PTPRN2: variants seen among roughly 807,000 people sequenced by gnomAD.
PTPRN2 encodes the protein protein tyrosine phosphatase receptor type N2, also known as receptor-type tyrosine-protein phosphatase N2.
In PTPRN2, 74 loss-of-function variants were observed where a neutral mutation model predicts 118.8. The ratio of observed to expected loss-of-function variants is 0.62; its 90% CI spans 0.52 to 0.76. The LOEUF (loss-of-function observed/expected upper bound fraction) is 0.76. Among genes scored for constraint, PTPRN2 ranks in the 30% least tolerant of loss-of-function variants. PTPRN2 has a pLI of 0.00. For missense variants in PTPRN2, 1,481 were observed against 1,394.4 expected (o/e 1.06, Z -0.99); for synonymous variants, 641 against 608.0 (o/e 1.05, Z -0.80).
At chr7:158,487,897 C>T (rs10265417) in intron 2 of PTPRN2, among the ~76,000 whole-genome samples, 70,773 of 151,942 alleles carry the variant, frequency 0.47, 16,830 homozygotes, top group East Asian at 0.68. Context: ...TCTGTTTCTA[C>T]AAATCAAGGC....
intron 11 of PTPRN2, among the ~76,000 whole-genome samples, chr7:157,945,392 C>A (rs1800413616): frequency 6.6e-6 from 1 of 152,144 alleles, no homozygotes. Flanking sequence ...CCTCTGAAGG[C>A]CCTTCCATCC....
chr7:158,147,752 A>C (rs1388560906), intron 6 of PTPRN2, among the ~76,000 whole-genome samples: 18 of 103,660 alleles, frequency 1.7e-4, no homozygotes, highest in African/African-American at 4.3e-4. Context: ...TTCCCCCTCA[A>C]TGACACCCCA....
rs201694935 is a variant in PTPRN2 at position 158,205,250 on chromosome 7, T to G, written c.301A>C (p.Thr101Pro). The change falls in exon 4 of 23, where the codon ACT becomes CCT. Residue 101 changes from threonine to proline, a missense_variant. Transcript: ENST00000389418. ...AGTTCCTGGTCCATCACATACTGAG[T>G]ATAGTCATCCTGCCACGTGAAACCT... The part of the protein sequence containing the change: ...GTGFTWQDDY[T>P]QYVMDQELAD... 1.2e-6 allele frequency: 2 copies of G among 1,614,016 alleles called. No individual in the cohort carries two copies. The highest frequency in any genetic ancestry group is 2.2e-5 in the East Asian group (1 of 44,878).
At chr7:158,146,526 CCTGA>C (rs1302781534) in intron 6 of PTPRN2, among the ~76,000 whole-genome samples, 1 of 151,942 alleles carries the variant, frequency 6.6e-6, no homozygotes, top group Non-Finnish European at 1.5e-5. Flanking sequence ...TCAAGACCAT[CCTGA>C]CTAACATGGT....
intron 12 of PTPRN2, among the ~76,000 whole-genome samples, chr7:157,713,370 TCTC>T (rs1293889534): frequency 6.6e-6 from 1 of 152,156 alleles, no homozygotes; most frequent in Non-Finnish European, 1.5e-5. Context: ...TAATCTATTT[TCTC>T]CTCATTAAGT....
chr7:157,723,217 T>C (rs1007500346), intron 12 of PTPRN2, among the ~76,000 whole-genome samples: 1 of 152,186 alleles, frequency 6.6e-6, no homozygotes, highest in Non-Finnish European at 1.5e-5. Flanking sequence ...CCTGACGGAC[T>C]GTCCCCTTGC....
At chr7:158,502,357 G>A (rs572828413) in intron 1 of PTPRN2, among the ~76,000 whole-genome samples, 110 of 152,350 alleles carry the variant, frequency 7.2e-4, no homozygotes, top group Middle Eastern at 3.4e-3. Context: ...TTTATTAGAA[G>A]GAGATCAGGT....
chr7:157,679,214 TATATC>T (rs1796805870), intron 13 of PTPRN2, among the ~76,000 whole-genome samples: 1 of 152,302 alleles, frequency 6.6e-6, no homozygotes, highest in African/African-American at 2.4e-5. Flanking sequence ...TTAATCCAAA[TATATC>T]ATGTTTTATC....
At chr7:158,261,289 A>G (rs1041571515) in intron 3 of PTPRN2, among the ~76,000 whole-genome samples, 2 of 152,110 alleles carry the variant, frequency 1.3e-5, no homozygotes, top group East Asian at 3.9e-4. Flanking sequence ...TGGGAGCACC[A>G]GGCCACATGG....
intron 10 of PTPRN2, among the ~76,000 whole-genome samples, chr7:158,082,569 G>A (rs1812922241): frequency 6.6e-6 from 1 of 152,208 alleles, no homozygotes. Flanking sequence ...CCATGTGGAC[G>A]TCTTAGCATC....
At position 157,893,213 on chromosome 7, in the gene PTPRN2, G is replaced by A. The variant is rs184489001; in HGVS notation, c.1788+5460C>T. On this transcript the variant is annotated intron_variant, in intron 12 of 22. Transcript: ENST00000389418. This position sits in a 1 kb window ranked among gnomAD's most constrained non-coding sequence, Gnocchi z 4.0. ...GGGTGAAATAAACACTCTAGCGTTT[G>A]GTAATTTTCTGTCCCAGGGATGACG... 2.0e-5 allele frequency among the ~76,000 whole-genome samples: 3 copies of A among 152,304 alleles called. No homozygotes were observed. Among genetic ancestry groups the A allele is most frequent in the East Asian group, 3.9e-4 (2 of 5,172 alleles).
chr7:157,751,798 T>C (rs1262050186), intron 12 of PTPRN2, among the ~76,000 whole-genome samples: 2 of 146,458 alleles, frequency 1.4e-5, no homozygotes, highest in Non-Finnish European at 3.0e-5. Flanking sequence ...GGACCATTCC[T>C]ACGGGATGAG....
chr7:158,131,422 A>AACACAC lies in PTPRN2; in HGVS notation c.1556+2249_1556+2254dup, dbSNP rs55822226. ...TATACAAACCAATACACATCTACCC[A>AACACAC]ACACACACACGAACATACAAACTGA... is the stretch of plus-strand genomic sequence containing the variant. On this transcript the variant is annotated intron_variant, in intron 9 of 22. Coordinates refer to ENST00000389418, the MANE Select transcript of PTPRN2 (RefSeq NM_002847.5). Among the ~76,000 whole-genome samples the AACACAC allele has an allele frequency of 3.9e-3, 572 of 145,754 alleles. 18 individuals carry two copies. In the East Asian group the frequency reaches 0.077, roughly 20 times the overall value.
chr7:157,945,610 C>A (rs1800429582), intron 11 of PTPRN2, among the ~76,000 whole-genome samples: 1 of 152,192 alleles, frequency 6.6e-6, no homozygotes, highest in East Asian at 1.9e-4. Context: ...CCACCTCAGA[C>A]AATGGCGCCT....
At chr7:158,576,639 C>G (rs1828335622) in intron 1 of PTPRN2, among the ~76,000 whole-genome samples, 1 of 152,236 alleles carries the variant, frequency 6.6e-6, no homozygotes, top group Non-Finnish European at 1.5e-5. Flanking sequence ...CCATGGCTGA[C>G]AGCCAGTGGT....
Position 157,576,594 on chromosome 7 carries a change from G to C in PTPRN2, c.2783+19C>G. On this transcript the variant is annotated intron_variant, in intron 19 of 22. Transcript: ENST00000389418. Reference sequence around the variant, plus strand: ...CGCGCTCAGCGCGCACTGCCCTGCCGGCGGGCCGCGCGTCATACCTGCGGA... The same window carrying C: ...CGCGCTCAGCGCGCACTGCCCTGCCCGCGGGCCGCGCGTCATACCTGCGGA... 3 of 1,596,070 alleles carry C rather than the reference G, an allele frequency of 1.9e-6. No homozygotes were observed. Among genetic ancestry groups the C allele is most frequent in the Non-Finnish European group, 2.6e-6 (3 of 1,169,056 alleles).
In PTPRN2 at chr7:158,032,139, C is replaced by T. The variant is rs144982001; in HGVS notation, c.1723+49159G>A. Among the ~76,000 whole-genome samples the T allele has an allele frequency of 9.2e-5, 14 of 152,354 alleles. 1 individual carries two copies. The highest frequency in any genetic ancestry group is 4.1e-4 in the South Asian group (2 of 4,826). ...CTTCCCTTTCGGAAACCTGCCCCCA[C>T]GCCTGGCCCTGGCTAAGCAAAAAGC... is the stretch of plus-strand genomic sequence containing the variant. On this transcript the variant is annotated intron_variant, in intron 11 of 22. Coordinates refer to ENST00000389418, the MANE Select transcript of PTPRN2 (RefSeq NM_002847.5).
chr7:157,750,649 G>A (rs1801406168), intron 12 of PTPRN2, among the ~76,000 whole-genome samples: 1 of 152,246 alleles, frequency 6.6e-6, no homozygotes, highest in African/African-American at 2.4e-5. Flanking sequence ...TTGGAAATAG[G>A]TTTTGGCAAA....
At chr7:157,604,177 C>T in intron 15 of PTPRN2, 102 bp from the exon 16 acceptor site, 3 of 1,021,138 alleles carry the variant, frequency 2.9e-6, no homozygotes, top group Non-Finnish European at 4.5e-6. Flanking sequence ...CACAGGACCC[C>T]TGCCCAGCCT....
Sources: gnomAD v4.1 joint callset for allele counts (sites outside exome capture counted in the v4.1 genomes callset) on GRCh38, gnomAD v4.1.1 for gene constraint, Gnocchi (gnomAD v3.1) non-coding constraint, MANE v1.5 for transcripts, NCBI Gene and HGNC (gene_info 2026-07-23, HGNC 2026-07-21) for gene names.